The following SHISA9 variants were observed in gnomAD, a reference collection of about 807,000 sequenced individuals.
SHISA9 encodes the protein protein shisa-9.
In SHISA9, 13 loss-of-function variants were observed where a neutral mutation model predicts 38.0. That is an observed-to-expected ratio of 0.34 (90% CI 0.22 to 0.54). The LOEUF (loss-of-function observed/expected upper bound fraction) is 0.54, where lower values mean the gene tolerates loss of function less well. SHISA9 is among the 20% of genes least tolerant of loss of function. The pLI is 0.91. For missense variants in SHISA9, 538 were observed against 575.8 expected (o/e 0.93, Z 0.67); for synonymous variants, 275 against 242.0 (o/e 1.14, Z -1.27).
At chr16:12,991,097 A>G (rs1212739708) in intron 2 of SHISA9, among the ~76,000 whole-genome samples, 1 of 152,162 alleles carries the variant, frequency 6.6e-6, no homozygotes, top group East Asian at 1.9e-4. Context: ...TGTTGTTTTA[A>G]TTGGTATTCT....
the SHISA9 span, among the ~76,000 whole-genome samples, chr16:13,561,235 T>C: frequency 6.6e-6 from 1 of 152,140 alleles, no homozygotes; most frequent in Non-Finnish European, 1.5e-5. Context: ...CCTTTGGCAG[T>C]TATTAGTCCC....
At chr16:13,129,652 T>C (rs2050290501) in intron 2 of SHISA9, among the ~76,000 whole-genome samples, 1 of 152,176 alleles carries the variant, frequency 6.6e-6, no homozygotes, top group African/African-American at 2.4e-5. Flanking sequence ...GTGTTTATGC[T>C]CCCTGTGGAT....
intron 2 of SHISA9, among the ~76,000 whole-genome samples, chr16:13,161,648 GTC>G (rs897245287): frequency 3.9e-5 from 6 of 152,084 alleles, no homozygotes; most frequent in African/African-American, 1.4e-4. Context: ...AGTCTTTCTT[GTC>G]TCTGCATTCT....
At chr16:13,250,197 G>A in the SHISA9 span, among the ~76,000 whole-genome samples, 3 of 152,142 alleles carry the variant, frequency 2.0e-5, no homozygotes, top group African/African-American at 7.2e-5. Context: ...AAAGTTCTGG[G>A]GAATTCAACT....
the SHISA9 span, among the ~76,000 whole-genome samples, chr16:13,353,908 T>G: frequency 2.6e-5 from 4 of 152,168 alleles, no homozygotes; most frequent in Non-Finnish European, 4.4e-5. Context: ...TCATCTGTTA[T>G]GAGACTGTAT....
chr16:13,486,935 C>G, the SHISA9 span, among the ~76,000 whole-genome samples: 2 of 152,326 alleles, frequency 1.3e-5, no homozygotes, highest in Admixed American at 1.3e-4. Context: ...AACTCCCGAC[C>G]TCAGGTGATC....
chr16:13,383,587 G>A, the SHISA9 span, among the ~76,000 whole-genome samples: 1 of 152,292 alleles, frequency 6.6e-6, no homozygotes, highest in South Asian at 2.1e-4. Context: ...ATTGAGAGGA[G>A]CATATTAAGT....
intron 2 of SHISA9, among the ~76,000 whole-genome samples, chr16:12,998,421 G>C (rs1334158521): frequency 6.6e-6 from 1 of 152,194 alleles, no homozygotes; most frequent in Non-Finnish European, 1.5e-5. Flanking sequence ...TTGGTATGTA[G>C]CTCTACCATC....
At chr16:13,074,680 T>C (rs926395007) in intron 2 of SHISA9, among the ~76,000 whole-genome samples, 1 of 151,760 alleles carries the variant, frequency 6.6e-6, no homozygotes, top group Non-Finnish European at 1.5e-5. Context: ...TTTTTTTTTT[T>C]TGAGGTGGAG....
chr16:12,998,599 G>A (rs953772325), intron 2 of SHISA9, among the ~76,000 whole-genome samples: 13 of 152,100 alleles, frequency 8.5e-5, no homozygotes, highest in Admixed American at 4.6e-4. Flanking sequence ...GTGCGATCGT[G>A]GCTCATGGAA....
the SHISA9 span, among the ~76,000 whole-genome samples, chr16:13,408,554 CAG>C: frequency 6.6e-6 from 1 of 152,156 alleles, no homozygotes; most frequent in Non-Finnish European, 1.5e-5. Flanking sequence ...ATCAATGACT[CAG>C]AAAACTTTCT....
downstream of SHISA9, among the ~76,000 whole-genome samples, chr16:13,241,243 G>A (rs928993253): frequency 2.6e-5 from 4 of 152,142 alleles, no homozygotes; most frequent in Admixed American, 1.3e-4. Flanking sequence ...AGCCGGGCAC[G>A]GTGGCTCATG....
the SHISA9 span, among the ~76,000 whole-genome samples, chr16:13,447,119 G>T: frequency 6.6e-6 from 1 of 151,942 alleles, no homozygotes; most frequent in Non-Finnish European, 1.5e-5. Context: ...CCTGCTTAAA[G>T]ATGGCATCTT....
chr16:13,533,822 C>T, the SHISA9 span, among the ~76,000 whole-genome samples: 16 of 143,920 alleles, frequency 1.1e-4, no homozygotes, highest in South Asian at 4.3e-4. Flanking sequence ...CTCGCTGTAT[C>T]GCCTAGGCTG....
At chr16:13,110,794 C>A (rs2073970872) in intron 2 of SHISA9, among the ~76,000 whole-genome samples, 1 of 152,206 alleles carries the variant, frequency 6.6e-6, no homozygotes, top group African/African-American at 2.4e-5. Flanking sequence ...TGAATTGAGT[C>A]TTTGTATGTC....
the SHISA9 span, among the ~76,000 whole-genome samples, chr16:13,554,192 C>T: frequency 6.6e-6 from 1 of 151,668 alleles, no homozygotes; most frequent in Non-Finnish European, 1.5e-5. Flanking sequence ...CAGGGGTGGG[C>T]TCTGATTGGC....
At chr16:13,422,737 C>T in the SHISA9 span, among the ~76,000 whole-genome samples, 15 of 151,588 alleles carry the variant, frequency 9.9e-5, no homozygotes, top group African/African-American at 3.4e-4. Flanking sequence ...AAACAAAAAC[C>T]ACCACCACCA....
chr16:12,963,467 A>G (rs937120419), intron 2 of SHISA9, among the ~76,000 whole-genome samples: 2 of 152,088 alleles, frequency 1.3e-5, no homozygotes, highest in African/African-American at 4.8e-5. Context: ...TATGAGGGAG[A>G]CCATATGGCT....
chr16:13,553,812 T>C, the SHISA9 span, among the ~76,000 whole-genome samples: 1 of 152,210 alleles, frequency 6.6e-6, no homozygotes, highest in African/African-American at 2.4e-5. Context: ...AATTAACTCC[T>C]TACAATTGAG....
Sources: gnomAD v4.1 joint callset for allele counts (sites outside exome capture counted in the v4.1 genomes callset) on GRCh38, gnomAD v4.1.1 for gene constraint, MANE v1.5 for transcripts, NCBI Gene and HGNC (gene_info 2026-07-23, HGNC 2026-07-21) for gene names.